Variants in TMEM273 observed in about 807,000 individuals in gnomAD.
The protein encoded by TMEM273 is chromosome 10 open reading frame 128.
Under a neutral mutation model 17.9 loss-of-function variants are expected in TMEM273, and 19 were observed. The ratio of observed to expected loss-of-function variants is 1.06; its 90% CI spans 0.74 to 1.55. TMEM273 has a LOEUF of 1.55. Among genes scored for constraint, TMEM273 ranks in the 40% most tolerant of loss-of-function variants. The pLI, the probability that TMEM273 is intolerant of heterozygous loss-of-function variation, is 0.00. For missense variants in TMEM273, 194 were observed against 155.6 expected (o/e 1.25, Z -1.31); for synonymous variants, 66 against 62.0 (o/e 1.07, Z -0.31).
intron 6 of TMEM273, 128 bp from the exon 7 acceptor site, chr10:49,156,037 G>C: frequency 6.4e-7 from 1 of 1,573,482 alleles, no homozygotes; most frequent in Non-Finnish European, 8.6e-7. Context: ...TGCAAGGTGG[G>C]CCACTTCCTT....
intron 5 of TMEM273, among the ~76,000 whole-genome samples, chr10:49,162,897 T>C (rs781111967): frequency 2.6e-5 from 4 of 152,218 alleles, no homozygotes; most frequent in Non-Finnish European, 4.4e-5. Flanking sequence ...CCTCATGTCC[T>C]CCAAGAGCCC....
At chr10:49,176,525 T>C (rs1590232924) in intron 1 of TMEM273, among the ~76,000 whole-genome samples, 1 of 152,258 alleles carries the variant, frequency 6.6e-6, no homozygotes, top group East Asian at 1.9e-4. Flanking sequence ...TAATTAATGA[T>C]GGTAAAGTAT....
chr10:49,165,084 A>G (rs1468062189), intron 5 of TMEM273, 121 bp downstream of exon 5: 4 of 1,369,146 alleles, frequency 2.9e-6, no homozygotes, highest in Non-Finnish European at 3.8e-6. Flanking sequence ...TTAGAAAAAA[A>G]CCCATGCAAA....
chr10:49,185,715 A>T (rs1056544334), intron 1 of TMEM273, among the ~76,000 whole-genome samples: 1 of 152,152 alleles, frequency 6.6e-6, no homozygotes, highest in African/African-American at 2.4e-5. Context: ...ACGGTGGCTC[A>T]CGCCTGTAAT....
chr10:49,168,316 G>A (rs926436211), intron 1 of TMEM273, among the ~76,000 whole-genome samples: 5 of 152,066 alleles, frequency 3.3e-5, no homozygotes, highest in East Asian at 3.9e-4. Flanking sequence ...GGAATCTCCT[G>A]CCCTGCCTCA....
rs540374150 is a variant in TMEM273, at chr10:49,185,706, C to A, written c.43+2588G>T. Among the ~76,000 whole-genome samples, 3 of 152,062 alleles carry A rather than the reference C, an allele frequency of 2.0e-5. No homozygotes were observed. In the South Asian group the frequency reaches 6.2e-4, roughly 32 times the overall value. On this transcript the variant is annotated intron_variant, in intron 1 of 6. Transcript: ENST00000374153. ...TAAGAAGATAAAGGATAGCCGGGCA[C>A]GGTGGCTCACGCCTGTAATCCCAGC...
intron 2 of TMEM273, 110 bp from the exon 3 acceptor site, chr10:49,167,119 T>C: frequency 2.8e-6 from 4 of 1,446,632 alleles, no homozygotes; most frequent in Non-Finnish European, 3.7e-6. Context: ...CACCTCCCAC[T>C]GGCTGAGGCC....
intron 1 of TMEM273, among the ~76,000 whole-genome samples, chr10:49,177,507 T>G (rs897923478): frequency 1.3e-5 from 2 of 152,208 alleles, no homozygotes; most frequent in Non-Finnish European, 1.5e-5. Flanking sequence ...CTGGAGCCAG[T>G]GTCAGGACAA....
intron 1 of TMEM273, among the ~76,000 whole-genome samples, chr10:49,179,618 C>A (rs1847215896): frequency 6.6e-6 from 1 of 152,086 alleles, no homozygotes; most frequent in African/African-American, 2.4e-5. Flanking sequence ...ATTAAAAAAA[C>A]AAATATAAAA....
chr10:49,178,792 T>C (rs1847163799), intron 1 of TMEM273, among the ~76,000 whole-genome samples: 1 of 152,174 alleles, frequency 6.6e-6, no homozygotes, highest in South Asian at 2.1e-4. Flanking sequence ...ATTGCAACTG[T>C]CCCCTGTAGA....
At chr10:49,181,239 T>C (rs1396534686) in intron 1 of TMEM273, among the ~76,000 whole-genome samples, 1 of 152,174 alleles carries the variant, frequency 6.6e-6, no homozygotes. Flanking sequence ...TGGAGACACA[T>C]ACCAAGTTCA....
intron 1 of TMEM273, among the ~76,000 whole-genome samples, chr10:49,168,649 G>T (rs2132166466): frequency 7.3e-6 from 1 of 137,364 alleles, no homozygotes; most frequent in South Asian, 2.5e-4. Flanking sequence ...AATAGACATT[G>T]GTGAATGGAA....
chr10:49,156,152 A>T (rs1845492026), intron 6 of TMEM273: 1 of 1,524,658 alleles, frequency 6.6e-7, no homozygotes, highest in Admixed American at 2.0e-5. Context: ...ACAAAACTTC[A>T]TCCACTTTGA....
intron 1 of TMEM273, among the ~76,000 whole-genome samples, chr10:49,168,216 C>T (rs1846323992): frequency 1.3e-5 from 2 of 152,200 alleles, no homozygotes; most frequent in African/African-American, 2.4e-5. Flanking sequence ...TGAACTCTGA[C>T]CCAAGCCTGC....
rs371157174 is a variant in TMEM273, at chr10:49,182,889, T to C, written c.43+5405A>G. On this transcript the variant is annotated intron_variant, in intron 1 of 6. Transcript: ENST00000374153. ...GTGTAGACAGCTGAGAAGGACAGTG[T>C]TGGCCATGCAGTCTTCTGGAAGGGA... Among the ~76,000 whole-genome samples, 49 of 152,254 alleles carry C rather than the reference T, an allele frequency of 3.2e-4. No homozygotes were observed. The East Asian group carries it at 6.9e-3, about 22-fold the overall frequency.
Position 49,179,817 on chromosome 10 carries a change from G to A in TMEM273, c.43+8477C>T, listed in dbSNP as rs148330761. Among the ~76,000 whole-genome samples, 261 of 152,280 alleles carry A rather than the reference G, an allele frequency of 1.7e-3. 1 individual carries two copies. Among genetic ancestry groups the A allele is most frequent in the African/African-American group, 6.0e-3 (250 of 41,540 alleles). ...CCCCAAGAAAAGCCAGCTCCCACGA[G>A]CCAAAGACTGGGAAAGGTGCAGCCT... On this transcript the variant is annotated intron_variant, in intron 1 of 6. Coordinates refer to ENST00000374153, the MANE Select transcript of TMEM273 (RefSeq NM_001288740.3).
chr10:49,165,845 T>A (rs749247058), intron 3 of TMEM273, 49 bp from the exon 4 acceptor site: 1 of 1,610,620 alleles, frequency 6.2e-7, no homozygotes, highest in South Asian at 1.1e-5. Flanking sequence ...TGACAAGAGG[T>A]GCAGAGCATT....
At chr10:49,159,795 G>A (rs1021498188) in intron 6 of TMEM273, among the ~76,000 whole-genome samples, 1 of 152,088 alleles carries the variant, frequency 6.6e-6, no homozygotes, top group Non-Finnish European at 1.5e-5. Context: ...GCTACCCTTG[G>A]GAGCAGGTCA....
intron 4 of TMEM273, 115 bp from the exon 5 acceptor site, chr10:49,165,398 G>T: frequency 6.6e-7 from 1 of 1,524,946 alleles, no homozygotes; most frequent in South Asian, 1.3e-5. Context: ...TGCCAGCAGG[G>T]AAGCCCAGAA....
Sources: allele counts gnomAD v4.1 joint callset (sites outside exome capture counted in the v4.1 genomes callset), GRCh38; gene constraint gnomAD v4.1.1; transcripts MANE v1.5; gene names NCBI Gene and HGNC (gene_info 2026-07-23, HGNC 2026-07-21).